Variants in TPST2 observed in about 807,000 individuals in gnomAD.
TPST2 encodes protein-tyrosine sulfotransferase 2.
In TPST2, 16 loss-of-function variants were observed where a neutral mutation model predicts 27.8. The ratio of observed to expected loss-of-function variants is 0.58; its 90% CI spans 0.39 to 0.88. TPST2 has a LOEUF of 0.88. TPST2 is among the 40% of genes least tolerant of loss of function. The pLI, the probability that TPST2 is intolerant of heterozygous loss-of-function variation, is 0.00. For synonymous variants in TPST2, 229 were observed against 231.7 expected, an observed-to-expected ratio of 0.99 and a Z score of 0.10; for missense variants, 464 against 543.1, an observed-to-expected ratio of 0.85 and a Z score of 1.45.
rs150855281 is a variant in TPST2, at chr22:26,536,381, G to A, written c.948C>T (p.Ile316=). Reference sequence around the variant, plus strand: ...AGCCGAGCTGAGCCAGCATGGGGGCGATCTGGGCCATGTCCCGCACCACAT... The same window carrying A: ...AGCCGAGCTGAGCCAGCATGGGGGCAATCTGGGCCATGTCCCGCACCACAT... ...PGDVVRDMAQ[I]APMLAQLGYD... is the part of the protein sequence containing the mutation. Residue 316 remains isoleucine, a synonymous_variant, in exon 4 of 7, where the codon ATC becomes ATT. Coordinates refer to ENST00000338754, the MANE Select transcript of TPST2 (RefSeq NM_003595.5). 24 of 1,607,510 alleles carry A rather than the reference G, an allele frequency of 1.5e-5. No homozygotes were observed. Among genetic ancestry groups the A allele is most frequent in the Non-Finnish European group, 1.8e-5 (21 of 1,175,114 alleles).
chr22:26,562,216 G>A (rs9608504), intron 1 of TPST2, among the ~76,000 whole-genome samples: 59,207 of 152,088 alleles, frequency 0.39, 11,794 homozygotes, highest in East Asian at 0.52. Context: ...GTGTGACCTT[G>A]GGAGAGTCCC....
chr22:26,541,654 C>T lies in TPST2; in HGVS notation c.-24G>A, dbSNP rs1441878985. 2 of 1,537,790 alleles carry T rather than the reference C, an allele frequency of 1.3e-6. No individual in the cohort carries two copies. The highest frequency in any genetic ancestry group is 1.2e-5 in the South Asian group (1 of 83,894). ...ATGCTGGGCCGGAGGCAGGGTAGGC[C>T]TGGCCTGAGGGCCCGCTTCTGGGGC... is the stretch of plus-strand genomic sequence containing the variant. On this transcript the variant is annotated 5_prime_UTR_variant, in exon 3 of 7. Coordinates refer to ENST00000338754, the MANE Select transcript of TPST2 (RefSeq NM_003595.5). This position sits in a 1 kb window ranked among gnomAD's most constrained non-coding sequence, Gnocchi z 5.9.
chr22:26,584,349 A>G (rs1928250609), intron 1 of TPST2, among the ~76,000 whole-genome samples: 1 of 152,196 alleles, frequency 6.6e-6, no homozygotes. Context: ...AGAGCCCTGC[A>G]TGTTCTGATC....
chr22:26,563,291 C>T (rs1442947553), intron 1 of TPST2, among the ~76,000 whole-genome samples: 1 of 151,772 alleles, frequency 6.6e-6, no homozygotes, highest in Non-Finnish European at 1.5e-5. Context: ...GACACATCAA[C>T]ATGCAACACC....
At position 26,555,629 on chromosome 22, in the gene TPST2, C is replaced by T. The variant is rs144361364; in HGVS notation, c.-160-10954G>A. 1.2e-4 allele frequency among the ~76,000 whole-genome samples: 18 copies of T among 152,356 alleles called. No homozygotes were observed. In the East Asian group the frequency reaches 2.9e-3, roughly 24 times the overall value. On this transcript the variant is annotated intron_variant, in intron 1 of 6. Transcript: ENST00000338754. ...ACAGTCCTGCCCATAATGAGTGTCA[C>T]GGCCATTGAGCCGGCAGACAATCAA...
At chr22:26,563,625 G>T (rs114535879) in intron 1 of TPST2, among the ~76,000 whole-genome samples, 2 of 150,072 alleles carry the variant, frequency 1.3e-5, no homozygotes, top group African/African-American at 4.9e-5. Flanking sequence ...CACCACGCCC[G>T]GCCCTCCCTC....
chr22:26,589,726 C>A (rs1050159097), intron 1 of TPST2, among the ~76,000 whole-genome samples: 1 of 152,200 alleles, frequency 6.6e-6, no homozygotes, highest in African/African-American at 2.4e-5. Context: ...GCCCTCCCCC[C>A]CAGTCCCCCC....
intron 1 of TPST2, among the ~76,000 whole-genome samples, chr22:26,584,412 G>A (rs559414974): frequency 2.6e-5 from 4 of 152,286 alleles, no homozygotes; most frequent in Non-Finnish European, 5.9e-5. Flanking sequence ...TATTTATTCA[G>A]AATAGTTATA....
intron 3 of TPST2, 143 bp from the exon 4 acceptor site, chr22:26,536,629 G>T: frequency 1.4e-6 from 1 of 691,542 alleles, no homozygotes; most frequent in Non-Finnish European, 2.2e-6. Context: ...CTGTGAGATG[G>T]CAGGTGAGTC....
intron 1 of TPST2, among the ~76,000 whole-genome samples, chr22:26,548,943 C>T (rs553551413): frequency 5.3e-5 from 8 of 151,872 alleles, no homozygotes; most frequent in South Asian, 2.1e-4. Context: ...ACTCCAGCCT[C>T]GGTGTCAGAG....
intron 1 of TPST2, among the ~76,000 whole-genome samples, chr22:26,551,807 T>A (rs955068789): frequency 6.6e-6 from 1 of 151,908 alleles, no homozygotes; most frequent in Non-Finnish European, 1.5e-5. Flanking sequence ...GGGAACTATG[T>A]AACTTCCATC....
In TPST2 at chr22:26,524,439, C is replaced by T. The variant is rs1353797618; in HGVS notation, c.*1836G>A. On this transcript the variant is annotated 3_prime_UTR_variant, in exon 7 of 7. Coordinates refer to ENST00000338754, the MANE Select transcript of TPST2 (RefSeq NM_003595.5). ...GGAGGATCACCTGACCCTAGGAGAC[C>T]GAGGCTGCAGTGAGCTATGATCACG... 1 of 152,156 alleles carries T rather than the reference C, an allele frequency of 6.6e-6. No individual in the cohort carries two copies. The highest frequency in any genetic ancestry group is 1.5e-5 in the Non-Finnish European group (1 of 68,060). 9.4% of individuals were successfully genotyped at this position (152,156 alleles called of 1,614,324 possible). A position where few individuals can be genotyped will look rare whatever the true frequency, so the allele number is the denominator to read the frequency against.
In TPST2 at chr22:26,527,848, T is replaced by C. The variant is rs568960403; in HGVS notation, c.*7+366A>G. On this transcript the variant is annotated intron_variant, in intron 6 of 6. Transcript: ENST00000338754. ...ATTAATTGCTCTGGCCCAACGCTGATGCTGTTTTTAGAAGCCAGACTGGCA... is the reference window on the plus strand; with the variant it reads ...ATTAATTGCTCTGGCCCAACGCTGACGCTGTTTTTAGAAGCCAGACTGGCA... Among the ~76,000 whole-genome samples the C allele has an allele frequency of 2.0e-5, 3 of 152,348 alleles. No individual in the cohort carries two copies. In the East Asian group the frequency reaches 5.8e-4, roughly 29 times the overall value.
At chr22:26,542,223 C>T (rs924857432) in intron 2 of TPST2, among the ~76,000 whole-genome samples, 1 of 138,030 alleles carries the variant, frequency 7.2e-6, no homozygotes, top group South Asian at 2.2e-4. Flanking sequence ...GCGTGGGCGA[C>T]AGAGCGAGAC....
At chr22:26,584,058 A>C (rs918366338) in intron 1 of TPST2, among the ~76,000 whole-genome samples, 49 of 152,258 alleles carry the variant, frequency 3.2e-4, no homozygotes, top group African/African-American at 1.1e-3. Flanking sequence ...ATGAGAAATC[A>C]GAATTTTTCT....
intron 5 of TPST2, among the ~76,000 whole-genome samples, chr22:26,529,919 C>T (rs1418292825): frequency 2.0e-5 from 3 of 152,026 alleles, no homozygotes; most frequent in African/African-American, 7.3e-5. Flanking sequence ...GGCTTTTGAG[C>T]ATTTCCTGGT....
At chr22:26,564,982 G>T in intron 1 of TPST2, among the ~76,000 whole-genome samples, 1 of 152,092 alleles carries the variant, frequency 6.6e-6, no homozygotes, top group South Asian at 2.1e-4. Flanking sequence ...GAAGCCATCT[G>T]CAAACAGAGA....
rs1007575450 is a variant in TPST2, at chr22:26,525,152, T to A, written c.*1123A>T. 1 of 152,224 alleles carries A rather than the reference T, an allele frequency of 6.6e-6. No individual in the cohort carries two copies. The highest frequency in any genetic ancestry group is 2.4e-5 in the African/African-American group (1 of 41,464). The allele number at this position is 152,224 out of a possible 1,614,324, so 9.4% of individuals were successfully genotyped here. A position where few individuals can be genotyped will look rare whatever the true frequency, so the allele number is the denominator to read the frequency against. The stretch of plus-strand genomic sequence containing the variant: ...ATCATTGCTGGGAAAATTAAGTGTG[T>A]CTGTAAGACTCTACCAGGAGATGAC... On this transcript the variant is annotated 3_prime_UTR_variant, in exon 7 of 7. Coordinates refer to ENST00000338754, the MANE Select transcript of TPST2 (RefSeq NM_003595.5).
intron 1 of TPST2, among the ~76,000 whole-genome samples, chr22:26,545,932 A>C (rs564102298): frequency 6.6e-6 from 1 of 152,196 alleles, no homozygotes; most frequent in African/African-American, 2.4e-5. Context: ...ATAAAAAGTT[A>C]TCCAGGTGAT....
Sources: gnomAD v4.1 joint callset for allele counts (sites outside exome capture counted in the v4.1 genomes callset) on GRCh38, gnomAD v4.1.1 for gene constraint, Gnocchi (gnomAD v3.1) non-coding constraint, MANE v1.5 for transcripts, NCBI Gene and HGNC (gene_info 2026-07-23, HGNC 2026-07-21) for gene names.